Variants in ATP8A2 observed in about 807,000 individuals in gnomAD.
ATP8A2 encodes ATPase phospholipid transporting 8A2.
Under a neutral mutation model 165.6 loss-of-function variants are expected in ATP8A2, and 100 were observed. The observed-to-expected ratio is 0.60, with a 90% confidence interval of 0.51 to 0.71. The LOEUF (loss-of-function observed/expected upper bound fraction) is 0.71, where lower values mean the gene tolerates loss of function less well. ATP8A2 is among the 30% of genes least tolerant of loss of function. The probability of loss-of-function intolerance (pLI) is 0.00; values close to 1 mark genes in which losing one functional copy is unlikely to be tolerated. For missense variants in ATP8A2, 1,227 were observed against 1,479.5 expected (o/e 0.83, Z 2.80); for synonymous variants, 543 against 548.8 (o/e 0.99, Z 0.15).
intron 33 of ATP8A2, among the ~76,000 whole-genome samples, chr13:25,937,405 T>G (rs1235710861): frequency 7.2e-6 from 1 of 139,680 alleles, no homozygotes; most frequent in Non-Finnish European, 1.5e-5. Context: ...ACTCCATTGG[T>G]TGTGTTTGGA....
chr13:25,609,325 T>A (rs112133916), intron 24 of ATP8A2, among the ~76,000 whole-genome samples: 128 of 151,954 alleles, frequency 8.4e-4, no homozygotes, highest in African/African-American at 2.9e-3. Context: ...GAAGCCTAGA[T>A]GGAATGGCCA....
intron 24 of ATP8A2, among the ~76,000 whole-genome samples, chr13:25,636,426 T>G (rs2041369510): frequency 6.6e-6 from 1 of 152,218 alleles, no homozygotes; most frequent in Admixed American, 6.5e-5. Context: ...CCTAATCCTG[T>G]GATGAAGATT....
At chr13:25,764,576 C>A (rs184999409) in intron 25 of ATP8A2, among the ~76,000 whole-genome samples, 1 of 152,196 alleles carries the variant, frequency 6.6e-6, no homozygotes, top group Non-Finnish European at 1.5e-5. Flanking sequence ...GTTAGAAATG[C>A]GCATTCACAG....
At chr13:25,592,482 T>C in intron 24 of ATP8A2, among the ~76,000 whole-genome samples, 1 of 152,344 alleles carries the variant, frequency 6.6e-6, no homozygotes, top group African/African-American at 2.4e-5. Context: ...TTGATGTTAC[T>C]AAGAAGTAGA....
chr13:25,769,890 G>A (rs181851263), intron 26 of ATP8A2, among the ~76,000 whole-genome samples: 14 of 152,302 alleles, frequency 9.2e-5, no homozygotes, highest in African/African-American at 3.1e-4. Context: ...GGCTCCTGAT[G>A]TGCTGTACTG....
At chr13:25,551,209 T>C in intron 10 of ATP8A2, 129 bp from the exon 11 acceptor site, 2 of 845,046 alleles carry the variant, frequency 2.4e-6, no homozygotes, top group South Asian at 1.8e-5. Flanking sequence ...TGAATTGCAT[T>C]GATTATTTGG....
At chr13:25,616,374 C>G (rs1214024704) in intron 24 of ATP8A2, among the ~76,000 whole-genome samples, 2 of 143,286 alleles carry the variant, frequency 1.4e-5, no homozygotes, top group Non-Finnish European at 3.0e-5. Context: ...TGTTGTCACC[C>G]AGTCTGGAGT....
At chr13:25,804,525 C>T (rs1364681652) in intron 27 of ATP8A2, among the ~76,000 whole-genome samples, 4 of 152,176 alleles carry the variant, frequency 2.6e-5, no homozygotes, top group African/African-American at 9.7e-5. Context: ...ATTGTTTCTA[C>T]ACGTACAGGA....
chr13:25,393,133 C>CTTTT lies in ATP8A2; in HGVS notation c.76+20856_76+20859dup, dbSNP rs113512127. Among the ~76,000 whole-genome samples the CTTTT allele has an allele frequency of 1.7e-4, 23 of 138,620 alleles. 1 individual carries two copies. The highest frequency in any genetic ancestry group is 2.9e-4 in the Admixed American group (4 of 13,724). The allele number at this position is 138,620 out of a possible 152,430, so 90.9% of individuals were successfully genotyped here. ...TAGCCTTCTCAAATTTATTTACATACTTTTTTTTTTTTTTAAGACAGAGGC... is the reference window on the plus strand; with the variant it reads ...TAGCCTTCTCAAATTTATTTACATACTTTTTTTTTTTTTTTTTTAAGACAGAGGC... On this transcript the variant is annotated intron_variant, in intron 1 of 36. Coordinates refer to ENST00000381655, the MANE Select transcript of ATP8A2 (RefSeq NM_016529.6).
Position 25,961,640 on chromosome 13 carries a change from G to T in ATP8A2, c.3249G>T (p.Leu1083Phe). The part of the protein sequence containing the change: ...LGLFLVPTAC[L>F]IEDVAWRAAK... The stretch of plus-strand genomic sequence containing the variant: ...TATTTCTGGTTCCTACTGCCTGTTT[G>T]ATTGAAGATGTGGCATGGAGAGCGT... The change falls in exon 34 of 37, where the codon TTG becomes TTT. Residue 1083 changes from leucine (L) to phenylalanine (F), a missense_variant. By Grantham distance (22) the Leu-to-Phe change is conservative. This residue lies in a region of ATP8A2 where 260 missense variants were observed against 245.1 expected (regional missense o/e 1.06). Transcript: ENST00000381655. 1 of 1,613,844 alleles carries T rather than the reference G, an allele frequency of 6.2e-7. No individual in the cohort carries two copies. The highest frequency in any genetic ancestry group is 8.5e-7 in the Non-Finnish European group (1 of 1,179,782).
intron 1 of ATP8A2, among the ~76,000 whole-genome samples, chr13:25,413,278 G>GTTTTTTTTTT (rs1195456593): frequency 3.8e-5 from 4 of 105,264 alleles, no homozygotes; most frequent in Non-Finnish European, 5.6e-5. Flanking sequence ...CTTTTTCTTT[G>GTTTTTTTTTT]TTTTTTTTTT....
chr13:25,974,335 A>G (rs1955976768), intron 35 of ATP8A2, among the ~76,000 whole-genome samples: 1 of 152,060 alleles, frequency 6.6e-6, no homozygotes, highest in African/African-American at 2.4e-5. Context: ...AGCCTGGGGA[A>G]GATGTGAATG....
chr13:25,587,856 T>G (rs2039967035), intron 23 of ATP8A2, among the ~76,000 whole-genome samples: 1 of 152,314 alleles, frequency 6.6e-6, no homozygotes, highest in South Asian at 2.1e-4. Context: ...CAGGCAGAGC[T>G]TTTAATGGCA....
At chr13:25,653,822 G>A (rs1257321114) in intron 24 of ATP8A2, among the ~76,000 whole-genome samples, 2 of 152,150 alleles carry the variant, frequency 1.3e-5, no homozygotes. Context: ...TTCAGGCAGA[G>A]GAGGATAAGC....
At chr13:25,625,845 GC>G (rs1457174766) in intron 24 of ATP8A2, among the ~76,000 whole-genome samples, 1 of 152,090 alleles carries the variant, frequency 6.6e-6, no homozygotes, top group African/African-American at 2.4e-5. Context: ...GATGTGAATG[GC>G]TGTGTTCCCA....
intron 1 of ATP8A2, among the ~76,000 whole-genome samples, chr13:25,465,386 A>G (rs2035607152): frequency 6.6e-6 from 1 of 152,152 alleles, no homozygotes; most frequent in African/African-American, 2.4e-5. Flanking sequence ...CTGTTGTGGT[A>G]TAGAAAGCTG....
At chr13:25,769,707 C>A (rs190096155) in intron 26 of ATP8A2, among the ~76,000 whole-genome samples, 1 of 151,996 alleles carries the variant, frequency 6.6e-6, no homozygotes, top group South Asian at 2.1e-4. Context: ...TTACAGCTGT[C>A]GCCTTCTCTG....
At chr13:25,838,565 T>G (rs2138655024) in intron 29 of ATP8A2, among the ~76,000 whole-genome samples, 1 of 146,226 alleles carries the variant, frequency 6.8e-6, no homozygotes, top group Middle Eastern at 3.5e-3. Context: ...TTTGAAGAAT[T>G]TTTTTTTTTT....
chr13:25,718,668 CT>C (rs1348509931), intron 25 of ATP8A2, among the ~76,000 whole-genome samples: 1 of 152,154 alleles, frequency 6.6e-6, no homozygotes, highest in Non-Finnish European at 1.5e-5. Context: ...AGAGCACCCC[CT>C]GAGACAGAGT....
Sources: allele counts gnomAD v4.1 joint callset (sites outside exome capture counted in the v4.1 genomes callset), GRCh38; gene constraint gnomAD v4.1.1; regional missense constraint gnomAD v4.1.1; transcripts MANE v1.5; gene names NCBI Gene and HGNC (gene_info 2026-07-23, HGNC 2026-07-21).